NFASC: variants seen among roughly 807,000 people sequenced by gnomAD.
NFASC encodes the protein neurofascin homolog.
NFASC carries 43 observed loss-of-function variants against 147.5 expected under a neutral mutation model. The observed-to-expected ratio is 0.29, with a 90% CI of 0.23 to 0.38. The LOEUF (loss-of-function observed/expected upper bound fraction) is 0.38, where lower values mean the gene tolerates loss of function less well. Among genes scored for constraint, NFASC ranks in the 10% least tolerant of loss-of-function variants. The pLI is 1.00. For missense variants in NFASC, 1,320 were observed against 1,689.0 expected, an observed-to-expected ratio of 0.78 and a Z score of 3.83; for synonymous variants, 622 against 665.5, an observed-to-expected ratio of 0.93 and a Z score of 1.01.
intron 1 of NFASC, among the ~76,000 whole-genome samples, chr1:204,896,221 C>T (rs564393512): frequency 2.0e-5 from 3 of 152,236 alleles, no homozygotes; most frequent in South Asian, 4.2e-4. Context: ...TTGCAGCCCC[C>T]GCCTGTGGCT....
At position 204,970,747 on chromosome 1, in the gene NFASC, T is replaced by C. The variant is rs746495791; in HGVS notation, c.1135T>C (p.Ser379Pro). Residue 379 changes from serine (S) to proline (P), a missense_variant and splice_region_variant, in exon 11 of 30, where the codon TCG (serine) becomes CCG (proline). This residue lies in a region of NFASC where 981 missense variants were observed against 1,289.5 expected (regional missense o/e 0.76). Transcript: ENST00000339876. ...QWMVNGEPLQSAPPNPNREVA... is the reference protein window; with the variant it reads ...QWMVNGEPLQPAPPNPNREVA... ...GATGGTGAATGGGGAACCTTTGCAA[T>C]GTAAGTAGCGAGCTGTTGTCCCATC... 6.2e-7 allele frequency: 1 copy of C among 1,614,116 alleles called. No individual in the cohort carries two copies. Among genetic ancestry groups the C allele is most frequent in the South Asian group, 1.1e-5 (1 of 91,080 alleles).
intron 25 of NFASC, chr1:205,000,862 A>G: frequency 2.5e-6 from 1 of 406,158 alleles, no homozygotes; most frequent in Non-Finnish European, 4.5e-6. Flanking sequence ...AAACTCTTTC[A>G]TTCCTAACGC....
At chr1:204,959,499 G>A (rs1342629867) in intron 8 of NFASC, among the ~76,000 whole-genome samples, 1 of 152,224 alleles carries the variant, frequency 6.6e-6, no homozygotes, top group South Asian at 2.1e-4. Context: ...CCAGGACCTC[G>A]GAGTGGCCTC....
Position 204,954,828 on chromosome 1 carries a change from G to C in NFASC, c.413-1G>C. 1 of 1,614,086 alleles carries C rather than the reference G, an allele frequency of 6.2e-7. No individual in the cohort carries two copies. Reference sequence around the variant, plus strand: ...TATCCTCTTTGTCCACTTCTCTCCAGAATCTCCTCTGTGGCCCAAGGAAAA... The same window carrying C: ...TATCCTCTTTGTCCACTTCTCTCCACAATCTCCTCTGTGGCCCAAGGAAAA... On this transcript the variant is annotated splice_acceptor_variant, in intron 6 of 29. Transcript: ENST00000339876. LOFTEE classifies it high-confidence loss of function. The surrounding 1 kb of genome is among the most constrained non-coding windows in gnomAD (Gnocchi z 5.7).
chr1:205,012,697 C>T (rs2096275159), intron 28 of NFASC, 100 bp from the exon 29 acceptor site: 4 of 878,792 alleles, frequency 4.6e-6, no homozygotes, highest in Non-Finnish European at 5.9e-6. Context: ...TCAGTGAGCC[C>T]AGGGCGGTGC....
chr1:204,929,956 C>T lies in NFASC; in HGVS notation c.-91+9216C>T, dbSNP rs536177309. ...ATCTGTTGCATCGTTCCTTCCTTGG[C>T]ATGGGAGAGATGGAAGGGAGGTGGC... On this transcript the variant is annotated intron_variant, in intron 2 of 29. Transcript: ENST00000339876. 5.7e-4 allele frequency among the ~76,000 whole-genome samples: 86 copies of T among 152,210 alleles called. 1 individual carries two copies. The highest frequency in any genetic ancestry group is 2.0e-3 in the African/African-American group (83 of 41,512).
At position 205,012,877 on chromosome 1, in the gene NFASC, T is replaced by A; in HGVS notation, c.3491+11T>A. 6.3e-7 allele frequency: 1 copy of A among 1,598,822 alleles called. No homozygotes were observed. The highest frequency in any genetic ancestry group is 8.6e-7 in the Non-Finnish European group (1 of 1,166,130). ...CTCATTTGACTATAGGTGCGTGATC[T>A]CCCTCCTCCTCTCTCAGGCAGGCTG... is the stretch of plus-strand genomic sequence containing the variant. On this transcript the variant is annotated intron_variant, in intron 29 of 29. Coordinates refer to ENST00000339876, the MANE Select transcript of NFASC (RefSeq NM_001005388.3).
At chr1:204,923,779 TGTAGGGTAA>T (rs2090989001) in intron 2 of NFASC, among the ~76,000 whole-genome samples, 2 of 151,536 alleles carry the variant, frequency 1.3e-5, no homozygotes, top group Non-Finnish European at 2.9e-5. Context: ...CACCGAGACC[TGTAGGGTAA>T]GTGTGGGGTA....
At chr1:204,944,505 G>A (rs927234126) in intron 3 of NFASC, 99 bp downstream of exon 3, 1 of 928,872 alleles carries the variant, frequency 1.1e-6, no homozygotes, top group Non-Finnish European at 1.6e-6. Context: ...AATCCAAGGA[G>A]ATTGAGGAGA....
Position 204,954,376 on chromosome 1 carries a change from A to G in NFASC, c.404A>G (p.Gln135Arg), listed in dbSNP as rs767347952. Residue 135 changes from glutamine (Q) to arginine (R), a missense_variant, in exon 6 of 30, where the codon CAG (glutamine) becomes CGG (arginine). By Grantham distance (43) the Gln-to-Arg change is conservative (BLOSUM62 1). Around this residue, in one of 3 missense-constraint regions of NFASC, gnomAD observed 981 missense variants for 1,289.5 expected, o/e 0.76. Coordinates refer to ENST00000339876, the MANE Select transcript of NFASC (RefSeq NM_001005388.3). This position sits in a 1 kb window ranked among gnomAD's most constrained non-coding sequence, Gnocchi z 5.7. ...GTALSNRIRL[Q>R]VSKSPLWPKE... ...GCCCTGTCCAATAGGATCCGCCTGC[A>G]GGTGTCTAGTGAGTAGCGTGGGGCA... 1.9e-6 allele frequency: 3 copies of G among 1,613,962 alleles called. No homozygotes were observed. The highest frequency in any genetic ancestry group is 2.7e-5 in the African/African-American group (2 of 75,048).
chr1:204,835,597 G>A (rs988492674), intron 1 of NFASC, among the ~76,000 whole-genome samples: 2 of 152,132 alleles, frequency 1.3e-5, no homozygotes, highest in Non-Finnish European at 2.9e-5. Flanking sequence ...ATGTGCAAAA[G>A]CAGGACTATG....
rs2095366328 is a variant in NFASC, at chr1:204,975,112, C to T, written c.1559-159C>T. Among the ~76,000 whole-genome samples the T allele has an allele frequency of 6.6e-6, 1 of 152,206 alleles. No homozygotes were observed. The highest frequency in any genetic ancestry group is 1.5e-5 in the Non-Finnish European group (1 of 68,030). Reference sequence around the variant, plus strand: ...GGGCATTATCTGCTTTGGGGATTACCCACCCAGAACTCTGCTCCGTTCATA... The same window carrying T: ...GGGCATTATCTGCTTTGGGGATTACTCACCCAGAACTCTGCTCCGTTCATA... On this transcript the variant is annotated intron_variant, in intron 14 of 29. Coordinates refer to ENST00000339876, the MANE Select transcript of NFASC (RefSeq NM_001005388.3). The surrounding 1 kb of genome is among the most constrained non-coding windows in gnomAD (Gnocchi z 4.0).
intron 1 of NFASC, among the ~76,000 whole-genome samples, chr1:204,885,026 C>T (rs1222306016): frequency 1.3e-5 from 2 of 152,042 alleles, no homozygotes; most frequent in Non-Finnish European, 1.5e-5. Context: ...CTTTAAGAGG[C>T]TGAGGCAGGA....
At chr1:204,957,914 G>A in intron 8 of NFASC, 88 bp downstream of exon 8, 3 of 1,253,750 alleles carry the variant, frequency 2.4e-6, no homozygotes, top group South Asian at 1.3e-5. Flanking sequence ...GTCTATAGGG[G>A]GAGACTTGTC....
At position 205,022,759 on chromosome 1, in the gene NFASC, TA is replaced by T. The variant is rs139329453; in HGVS notation, c.*6227del. The T allele has an allele frequency of 1.1e-3, 166 of 152,738 alleles. 1 individual carries two copies. The highest frequency in any genetic ancestry group is 3.9e-3 in the African/African-American group (160 of 41,552). The allele number at this position is 152,738 out of a possible 1,614,324, so 9.5% of individuals were successfully genotyped here. ...ATTCTGAATTTTTTTTGAATCACTG[TA>T]AAAAAACTGATTTCTTTTGTATAGA... is the stretch of plus-strand genomic sequence containing the variant. On this transcript the variant is annotated 3_prime_UTR_variant, in exon 30 of 30. Coordinates refer to ENST00000339876, the MANE Select transcript of NFASC (RefSeq NM_001005388.3).
intron 2 of NFASC, among the ~76,000 whole-genome samples, chr1:204,935,814 G>A (rs930874704): frequency 2.0e-5 from 3 of 152,192 alleles, no homozygotes; most frequent in African/African-American, 7.2e-5. Flanking sequence ...TCACACCCAT[G>A]TCTTGCCGTT....
At chr1:204,926,249 A>G (rs921371159) in intron 2 of NFASC, among the ~76,000 whole-genome samples, 4 of 151,406 alleles carry the variant, frequency 2.6e-5, no homozygotes, top group Non-Finnish European at 5.9e-5. Flanking sequence ...GGTTTTATTA[A>G]TAAACTTAGT....
intron 5 of NFASC, among the ~76,000 whole-genome samples, chr1:204,952,387 C>T (rs536458444): frequency 7.2e-5 from 11 of 152,330 alleles, no homozygotes; most frequent in South Asian, 2.1e-4. Flanking sequence ...CTTTCCTCCA[C>T]GCTGTGTTCC....
intron 1 of NFASC, among the ~76,000 whole-genome samples, chr1:204,855,550 G>T (rs973192502): frequency 1.3e-5 from 2 of 152,184 alleles, no homozygotes; most frequent in African/African-American, 4.8e-5. Context: ...TGAGCACAGG[G>T]CAAGGTGTAT....
Sources: allele counts gnomAD v4.1 joint callset (sites outside exome capture counted in the v4.1 genomes callset), GRCh38; gene constraint gnomAD v4.1.1; regional missense constraint gnomAD v4.1.1; non-coding constraint Gnocchi (gnomAD v3.1); transcripts MANE v1.5; gene names NCBI Gene and HGNC (gene_info 2026-07-23, HGNC 2026-07-21).